The following BICD1 variants were observed in gnomAD, a reference collection of about 807,000 sequenced individuals.
BICD1 encodes the protein BICD cargo adaptor 1.
In BICD1, 35 loss-of-function variants were observed where a neutral mutation model predicts 92.5. The ratio of observed to expected loss-of-function variants is 0.38; its 90% CI spans 0.29 to 0.50. The LOEUF (loss-of-function observed/expected upper bound fraction) is 0.50, where lower values mean the gene tolerates loss of function less well. BICD1 is among the 20% of genes least tolerant of loss of function. The pLI, the probability that BICD1 is intolerant of heterozygous loss-of-function variation, is 0.93. For synonymous variants in BICD1, 429 were observed against 465.1 expected (o/e 0.92, Z 1.00); for missense variants, 950 against 1,189.8 (o/e 0.80, Z 2.97).
chr12:32,300,410 A>C (rs1384606744), intron 3 of BICD1, among the ~76,000 whole-genome samples: 1 of 150,666 alleles, frequency 6.6e-6, no homozygotes, highest in East Asian at 2.0e-4. Context: ...GCCAGGACAT[A>C]CTATTATTGG....
chr12:32,366,400 A>G (rs1337800709), intron 8 of BICD1, among the ~76,000 whole-genome samples: 1 of 152,218 alleles, frequency 6.6e-6, no homozygotes, highest in African/African-American at 2.4e-5. Flanking sequence ...CAGGTGGATC[A>G]CCTGAGGTCA....
At position 32,275,971 on chromosome 12, in the gene BICD1, A is replaced by G. The variant is rs559294151; in HGVS notation, c.427-18023A>G. On this transcript the variant is annotated intron_variant, in intron 2 of 9. Transcript: ENST00000652176. ...CAGGTCAGAGAACACGAGGCTTGCC[A>G]CCATCTTGGAAGCCGCCCACCACCA... is the stretch of plus-strand genomic sequence containing the variant. 3.9e-5 allele frequency among the ~76,000 whole-genome samples: 6 copies of G among 152,048 alleles called. No homozygotes were observed. The South Asian group carries it at 1.2e-3, about 32-fold the overall frequency.
rs200421228 is a variant in BICD1, at chr12:32,236,395, A to AAAT, written c.426+19951_426+19953dup. 5.7e-3 allele frequency among the ~76,000 whole-genome samples: 849 copies of AAAT among 149,672 alleles called. 6 individuals carry two copies. The highest frequency in any genetic ancestry group is 0.021 in the East Asian group (97 of 4,640). On this transcript the variant is annotated intron_variant, in intron 2 of 9. Transcript: ENST00000652176. ...CAGTGATAGAGCAAGACTCCATCTC[A>AAAT]AATAATAATAATAATAAAGACTTAA...
intron 2 of BICD1, among the ~76,000 whole-genome samples, chr12:32,232,937 T>C (rs897502356): frequency 2.6e-5 from 4 of 152,122 alleles, no homozygotes; most frequent in African/African-American, 9.7e-5. Flanking sequence ...CAACCTCTTG[T>C]GTAGTAGCCT....
rs749008364 is a variant in BICD1 at position 32,328,219 on chromosome 12, C to T, written c.1764C>T (p.Ala588=). The part of the protein sequence containing the change: ...SEPVAKESTE[A]SKEPSPTKTP... ...CAGTTGCAAAAGAAAGCACAGAGGC[C>T]AGCAAAGAACCAAGTCCAACTAAGA... The change falls in exon 5 of 10, where the codon GCC becomes GCT. Residue 588 remains alanine, a synonymous_variant. Coordinates refer to ENST00000652176, the MANE Select transcript of BICD1 (RefSeq NM_001714.4). The surrounding 1 kb of genome is among the most constrained non-coding windows in gnomAD (Gnocchi z 4.4). The T allele has an allele frequency of 2.5e-6, 4 of 1,614,030 alleles. No homozygotes were observed. Among genetic ancestry groups the T allele is most frequent in the Admixed American group, 1.7e-5 (1 of 59,996 alleles).
At chr12:32,196,275 C>T (rs1199811870) in intron 1 of BICD1, among the ~76,000 whole-genome samples, 4 of 152,144 alleles carry the variant, frequency 2.6e-5, no homozygotes, top group African/African-American at 9.7e-5. Context: ...CCATATGATC[C>T]AGCCATCCCA....
intron 1 of BICD1, among the ~76,000 whole-genome samples, chr12:32,119,842 G>C (rs144179916): frequency 6.6e-6 from 1 of 151,564 alleles, no homozygotes; most frequent in East Asian, 1.9e-4. Context: ...CTTCACTCCA[G>C]CTTGGGCGAC....
chr12:32,139,710 A>G (rs752328243), intron 1 of BICD1, among the ~76,000 whole-genome samples: 1 of 151,966 alleles, frequency 6.6e-6, no homozygotes, highest in Non-Finnish European at 1.5e-5. Context: ...ACTACAGACA[A>G]GCGCCACCAC....
At position 32,187,402 on chromosome 12, in the gene BICD1, G is replaced by A. The variant is rs556914483; in HGVS notation, c.214-28845G>A. Among the ~76,000 whole-genome samples, 3 of 152,236 alleles carry A rather than the reference G, an allele frequency of 2.0e-5. No homozygotes were observed. The East Asian group carries it at 5.8e-4, about 29-fold the overall frequency. ...GAAAATGAATCTATGGGCTGGGCGC[G>A]GTGGCTCACGTCTGTAATCTCAGCA... On this transcript the variant is annotated intron_variant, in intron 1 of 9. Transcript: ENST00000652176.
intron 1 of BICD1, among the ~76,000 whole-genome samples, chr12:32,145,349 G>T (rs887558290): frequency 1.3e-5 from 2 of 152,166 alleles, no homozygotes; most frequent in Admixed American, 1.3e-4. Context: ...AAGAATGAAA[G>T]AATTCATTGT....
intron 1 of BICD1, among the ~76,000 whole-genome samples, chr12:32,135,351 G>C (rs1451412584): frequency 7.1e-6 from 1 of 140,262 alleles, no homozygotes; most frequent in Non-Finnish European, 1.5e-5. Context: ...GCCTCCCAAA[G>C]TGCCGGGATT....
intron 1 of BICD1, among the ~76,000 whole-genome samples, chr12:32,208,945 C>T (rs1207874272): frequency 6.6e-6 from 1 of 152,102 alleles, no homozygotes; most frequent in African/African-American, 2.4e-5. Context: ...TGCGATTCTC[C>T]TGCCTCAGCC....
chr12:32,161,282 A>G (rs1410171879), intron 1 of BICD1, among the ~76,000 whole-genome samples: 1 of 152,232 alleles, frequency 6.6e-6, no homozygotes, highest in African/African-American at 2.4e-5. Flanking sequence ...AGCTGACACT[A>G]GAAAGAACAT....
At chr12:32,283,359 A>ACCGCT (rs1555162593) in intron 2 of BICD1, among the ~76,000 whole-genome samples, 10 of 149,436 alleles carry the variant, frequency 6.7e-5, no homozygotes, top group African/African-American at 2.5e-4. Flanking sequence ...TGGGCATTTG[A>ACCGCT]CCACTCCACT....
At chr12:32,282,199 CTTCTTT>C (rs1947428949) in intron 2 of BICD1, among the ~76,000 whole-genome samples, 5 of 69,016 alleles carry the variant, frequency 7.2e-5, no homozygotes, top group African/African-American at 2.7e-4. Flanking sequence ...TTCAGGTCTT[CTTCTTT>C]TTTTTTTTTT....
chr12:32,142,453 CCTATCTAT>C (rs71065001), intron 1 of BICD1, among the ~76,000 whole-genome samples: 15,101 of 112,810 alleles, frequency 0.13, 1,124 homozygotes, highest in East Asian at 0.35. Flanking sequence ...ACCTATCTAT[CCTATCTAT>C]CTATCTATCT....
At chr12:32,225,621 G>GTTTTTTGTTTTTT (rs1555150865) in intron 2 of BICD1, among the ~76,000 whole-genome samples, 2 of 92,786 alleles carry the variant, frequency 2.2e-5, no homozygotes, top group South Asian at 5.0e-4. Flanking sequence ...CTTTTTTTCT[G>GTTTTTTGTTTTTT]TTTTTTTTTT....
intron 1 of BICD1, among the ~76,000 whole-genome samples, chr12:32,155,055 T>G (rs1943399693): frequency 6.6e-6 from 1 of 152,118 alleles, no homozygotes; most frequent in South Asian, 2.1e-4. Flanking sequence ...CAGTAAGTTG[T>G]GGTTTTAAAA....
intron 4 of BICD1, among the ~76,000 whole-genome samples, chr12:32,317,197 T>C (rs1004094507): frequency 7.2e-5 from 11 of 152,196 alleles, no homozygotes; most frequent in African/African-American, 2.7e-4. Flanking sequence ...AGCAGCATGA[T>C]TTATAATCCT....
Sources: gnomAD v4.1 joint callset for allele counts (sites outside exome capture counted in the v4.1 genomes callset) on GRCh38, gnomAD v4.1.1 for gene constraint, Gnocchi (gnomAD v3.1) non-coding constraint, MANE v1.5 for transcripts, NCBI Gene and HGNC (gene_info 2026-07-23, HGNC 2026-07-21) for gene names.